Variants in PPP2R2B observed in about 807,000 individuals in gnomAD.
The protein encoded by PPP2R2B is serine/threonine-protein phosphatase 2A 55 kDa regulatory subunit B beta isoform.
A neutral mutation model predicts 46.0 loss-of-function variants in PPP2R2B; 5 were observed. The observed-to-expected ratio is 0.11, with a 90% CI of 0.06 to 0.23. The LOEUF (loss-of-function observed/expected upper bound fraction) is 0.23, where lower values mean the gene tolerates loss of function less well. PPP2R2B is among the 10% of genes least tolerant of loss of function. The pLI, the probability that PPP2R2B is intolerant of heterozygous loss-of-function variation, is 1.00. For missense variants in PPP2R2B, 367 were observed against 575.0 expected, an observed-to-expected ratio of 0.64 and a Z score of 3.70; for synonymous variants, 215 against 206.7, an observed-to-expected ratio of 1.04 and a Z score of -0.34.
intron 2 of PPP2R2B, among the ~76,000 whole-genome samples, chr5:146,858,251 T>G (rs770590820): frequency 6.6e-5 from 10 of 152,318 alleles, no homozygotes; most frequent in Non-Finnish European, 1.5e-4. Context: ...ACTACTTTTT[T>G]CATATAATTC....
In PPP2R2B at chr5:146,650,732, G is replaced by T. The variant is rs780836835; in HGVS notation, c.448-8C>A. ...GGGTCTCAGGACAGGCACCTGGGAT[G>T]CAAGAGAAACAAATCACTTCAGAAC... On this transcript the variant is annotated splice_region_variant and splice_polypyrimidine_tract_variant and intron_variant, in intron 5 of 9. Transcript: ENST00000394411. The T allele has an allele frequency of 3.1e-6, 5 of 1,610,434 alleles. No homozygotes were observed. Among genetic ancestry groups the T allele is most frequent in the Non-Finnish European group, 4.2e-6 (5 of 1,178,478 alleles).
intron 1 of PPP2R2B, among the ~76,000 whole-genome samples, chr5:146,888,466 G>A (rs1762397362): frequency 6.6e-6 from 1 of 152,028 alleles, no homozygotes; most frequent in South Asian, 2.1e-4. Context: ...ATCTCACCAT[G>A]ATTATATCAA....
At chr5:146,729,573 G>A (rs1001393040) in intron 2 of PPP2R2B, among the ~76,000 whole-genome samples, 1 of 152,220 alleles carries the variant, frequency 6.6e-6, no homozygotes, top group Admixed American at 6.5e-5. Context: ...GGGGGAAAAA[G>A]TGGTTTCCAG....
intron 2 of PPP2R2B, among the ~76,000 whole-genome samples, chr5:146,829,810 A>C (rs1758814714): frequency 6.6e-6 from 1 of 152,140 alleles, no homozygotes; most frequent in South Asian, 2.1e-4. Flanking sequence ...CTTTTTTTTA[A>C]GTAAAAAACA....
intron 2 of PPP2R2B, among the ~76,000 whole-genome samples, chr5:146,710,473 G>C (rs993285863): frequency 6.6e-6 from 1 of 152,194 alleles, no homozygotes; most frequent in African/African-American, 2.4e-5. Context: ...AAGCCTAGAA[G>C]ATAAAATTTT....
In PPP2R2B at chr5:146,589,713, A is replaced by G. The variant is rs892236734; in HGVS notation, c.*234T>C. 10 of 504,558 alleles carry G rather than the reference A, an allele frequency of 2.0e-5. No homozygotes were observed. Among genetic ancestry groups the G allele is most frequent in the Non-Finnish European group, 2.4e-5 (7 of 285,856 alleles). 31.3% of individuals were successfully genotyped at this position (504,558 alleles called of 1,614,324 possible). ...AGTTCAAGTCAACTATGGAAGAATT[A>G]CTGTTAGCTGGCAGCTTTCAATTCT... On this transcript the variant is annotated 3_prime_UTR_variant, in exon 10 of 10. Transcript: ENST00000394411.
At chr5:146,861,047 A>ATTTTTTTTTTTTTTTTTTTTTTTTTT (rs869248861) in intron 2 of PPP2R2B, among the ~76,000 whole-genome samples, 1 of 132,174 alleles carries the variant, frequency 7.6e-6, no homozygotes. Context: ...TTCAAACTGA[A>ATTTTTTTTTTTTTTTTTTTTTTTTTT]TTTTTTCTTT....
intron 2 of PPP2R2B, among the ~76,000 whole-genome samples, chr5:146,704,705 T>C (rs909961948): frequency 1.3e-5 from 2 of 152,212 alleles, no homozygotes; most frequent in African/African-American, 4.8e-5. Flanking sequence ...TCTAGCTCAA[T>C]AGGCACTATT....
rs572381744 is a variant in PPP2R2B at position 146,972,248 on chromosome 5, C to G, written c.79+83417G>C. On this transcript the variant is annotated intron_variant, in intron 1 of 8. Coordinates refer to the PPP2R2B transcript ENST00000336640. ...AACACTTCACAGGTAAAGTTCCCTC[C>G]TCATGTCATATCAGATGGTAGGTGT... Among the ~76,000 whole-genome samples, 4 of 152,278 alleles carry G rather than the reference C, an allele frequency of 2.6e-5. No individual in the cohort carries two copies. In the East Asian group the frequency reaches 7.7e-4, roughly 29 times the overall value.
intron 5 of PPP2R2B, among the ~76,000 whole-genome samples, chr5:146,662,444 T>G (rs191576136): frequency 6.6e-6 from 1 of 152,264 alleles, no homozygotes; most frequent in Admixed American, 6.5e-5. Flanking sequence ...TGGCTGCACA[T>G]CAGAATCAAA....
intron 5 of PPP2R2B, 28 bp from the exon 6 acceptor site, chr5:146,650,752 CAG>C: frequency 1.3e-6 from 2 of 1,598,802 alleles, no homozygotes; most frequent in Non-Finnish European, 1.7e-6. Context: ...CAAATCACTT[CAG>C]AACCAAAGAT....
At chr5:146,845,434 T>C (rs562564513) in intron 2 of PPP2R2B, among the ~76,000 whole-genome samples, 1 of 151,308 alleles carries the variant, frequency 6.6e-6, no homozygotes, top group Admixed American at 6.6e-5. Context: ...TTTGCACTTT[T>C]AGTAGAGACG....
chr5:146,999,013 C>CAAAAA lies in PPP2R2B; in HGVS notation c.79+56647_79+56651dup, dbSNP rs60753702. 2.5e-3 allele frequency among the ~76,000 whole-genome samples: 162 copies of CAAAAA among 65,186 alleles called. 1 individual carries two copies. Among genetic ancestry groups the CAAAAA allele is most frequent in the Admixed American group, 3.3e-3 (16 of 4,922 alleles). The allele number at this position is 65,186 out of a possible 152,430, so 42.8% of individuals were successfully genotyped here. A position where few individuals can be genotyped will look rare whatever the true frequency, so the allele number is the denominator to read the frequency against. On this transcript the variant is annotated intron_variant, in intron 1 of 8. Coordinates refer to the PPP2R2B transcript ENST00000336640. Reference sequence around the variant, plus strand: ...TGGGAGACAGAGCGAGACTCCATATCAAAAAAAAAAAAAAAAAAAAAAAAA... The same window carrying CAAAAA: ...TGGGAGACAGAGCGAGACTCCATATCAAAAAAAAAAAAAAAAAAAAAAAAAAAAAA...
At chr5:146,688,160 CA>C (rs1311443164) in intron 5 of PPP2R2B, among the ~76,000 whole-genome samples, 1 of 151,772 alleles carries the variant, frequency 6.6e-6, no homozygotes, top group East Asian at 1.9e-4. Context: ...CACTGAAATG[CA>C]GGATATTTGA....
In PPP2R2B at chr5:146,861,047, A is replaced by ATTTTTTTTTTTTTTTTTTTTTTTTT. The variant is rs869248861; in HGVS notation, c.70+16954_70+16955insAAAAAAAAAAAAAAAAAAAAAAAAA. 1.5e-5 allele frequency among the ~76,000 whole-genome samples: 2 copies of ATTTTTTTTTTTTTTTTTTTTTTTTT among 132,174 alleles called. 1 individual carries two copies. The highest frequency in any genetic ancestry group is 6.0e-5 in the African/African-American group (2 of 33,606). 86.7% of individuals were successfully genotyped at this position (132,174 alleles called of 152,430 possible). On this transcript the variant is annotated intron_variant, in intron 2 of 9. Coordinates refer to ENST00000394411, the MANE Select transcript of PPP2R2B (RefSeq NM_181675.4). ...ACTCCTCTTCCAGCATTCAAACTGAATTTTTTCTTTTTTTTTTTTTTTTTT... is the reference window on the plus strand; with the variant it reads ...ACTCCTCTTCCAGCATTCAAACTGAATTTTTTTTTTTTTTTTTTTTTTTTTTTTTTTCTTTTTTTTTTTTTTTTTT...
exon 1 of PPP2R2B, chr5:147,055,952 G>C (rs1749836618): frequency 1.4e-6 from 2 of 1,393,948 alleles, no homozygotes; most frequent in African/African-American, 1.5e-5. Context: ...TCTGCATGCA[G>C]CTCAAACTCA....
intron 2 of PPP2R2B, among the ~76,000 whole-genome samples, chr5:146,726,050 G>T (rs1751842549): frequency 6.6e-6 from 1 of 152,112 alleles, no homozygotes; most frequent in African/African-American, 2.4e-5. Context: ...AGCAGCTATT[G>T]GTTTTGATAG....
At chr5:146,795,507 A>C (rs1294286701) in intron 2 of PPP2R2B, among the ~76,000 whole-genome samples, 1 of 152,144 alleles carries the variant, frequency 6.6e-6, no homozygotes, top group Non-Finnish European at 1.5e-5. Flanking sequence ...ACAGAGTAGA[A>C]GGGTGATTAC....
At chr5:147,056,118 A>G, upstream of PPP2R2B, 2 of 1,050,968 alleles carry the variant, frequency 1.9e-6, no homozygotes. Flanking sequence ...TCTTTTCGCA[A>G]GAGAAATCCA....
Sources: gnomAD v4.1 joint callset for allele counts (sites outside exome capture counted in the v4.1 genomes callset) on GRCh38, gnomAD v4.1.1 for gene constraint, MANE v1.5 for transcripts, NCBI Gene and HGNC (gene_info 2026-07-23, HGNC 2026-07-21) for gene names.